FMN1: variants seen among roughly 807,000 people sequenced by gnomAD.
FMN1 encodes the protein formin-1.
Under a neutral mutation model 132.4 loss-of-function variants are expected in FMN1, and 110 were observed. That is an observed-to-expected ratio of 0.83 (90% CI 0.71 to 0.97). FMN1 has a LOEUF of 0.97. Ranked by LOEUF, FMN1 falls within the 50% of genes least tolerant of loss-of-function variation. FMN1 has a pLI of 0.00. For synonymous variants in FMN1, 722 were observed against 651.7 expected, an observed-to-expected ratio of 1.11 and a Z score of -1.64; for missense variants, 1,792 against 1,705.3, an observed-to-expected ratio of 1.05 and a Z score of -0.90.
chr15:32,936,673 G>A (rs560751680), intron 9 of FMN1, among the ~76,000 whole-genome samples: 3 of 151,740 alleles, frequency 2.0e-5, no homozygotes, highest in South Asian at 4.2e-4. Flanking sequence ...AGGAGAAGGA[G>A]GAGGAGAAAG....
At chr15:32,874,675 C>T (rs1240618894) in intron 16 of FMN1, among the ~76,000 whole-genome samples, 4 of 152,134 alleles carry the variant, frequency 2.6e-5, no homozygotes, top group African/African-American at 9.7e-5. Context: ...ATAAATCTCT[C>T]CCCTAGAAAA....
intron 4 of FMN1, among the ~76,000 whole-genome samples, chr15:33,099,769 CAT>C (rs2039223920): frequency 6.6e-6 from 1 of 152,118 alleles, no homozygotes; most frequent in African/African-American, 2.4e-5. Context: ...CTCTAAAAGT[CAT>C]CTAGTTTTCT....
At chr15:32,950,979 CTT>C (rs66657218) in intron 9 of FMN1, among the ~76,000 whole-genome samples, 2 of 147,024 alleles carry the variant, frequency 1.4e-5, no homozygotes, top group Non-Finnish European at 3.0e-5. Context: ...AGAACTTTTG[CTT>C]TTTTTTTTAA....
At chr15:32,990,682 GC>G (rs921786411) in intron 7 of FMN1, among the ~76,000 whole-genome samples, 1 of 152,130 alleles carries the variant, frequency 6.6e-6, no homozygotes, top group Admixed American at 6.5e-5. Context: ...GTAAAGAACT[GC>G]CCCAGACTGG....
intron 8 of FMN1, among the ~76,000 whole-genome samples, chr15:32,964,915 A>G (rs1275525446): frequency 6.6e-6 from 1 of 152,182 alleles, no homozygotes; most frequent in African/African-American, 2.4e-5. Context: ...TAAAGTAGCC[A>G]TAGGGAAACT....
intron 4 of FMN1, chr15:33,150,456 A>C (rs746453809): frequency 3.6e-5 from 35 of 981,416 alleles, no homozygotes; most frequent in Non-Finnish European, 4.1e-5. Flanking sequence ...TATCACCACT[A>C]TGTGGTGATA....
chr15:33,044,724 G>A (rs540348001), intron 6 of FMN1, among the ~76,000 whole-genome samples: 16 of 152,254 alleles, frequency 1.1e-4, no homozygotes, highest in Admixed American at 3.3e-4. Flanking sequence ...ACCAGCTGCA[G>A]GAGCTACACA....
At chr15:33,082,040 TG>T (rs1566899318) in intron 5 of FMN1, among the ~76,000 whole-genome samples, 7 of 138,966 alleles carry the variant, frequency 5.0e-5, no homozygotes, top group Non-Finnish European at 9.7e-5. Context: ...TGTGTGTGTG[TG>T]TGTGTGTGTG....
chr15:32,961,413 C>T (rs1229978872), intron 9 of FMN1, among the ~76,000 whole-genome samples: 3 of 152,152 alleles, frequency 2.0e-5, no homozygotes, highest in African/African-American at 4.8e-5. Flanking sequence ...GGATTATAGG[C>T]ATGAGCCACC....
At chr15:32,934,865 T>C (rs1596305985) in intron 9 of FMN1, among the ~76,000 whole-genome samples, 1 of 151,266 alleles carries the variant, frequency 6.6e-6, no homozygotes, top group East Asian at 2.0e-4. Flanking sequence ...CCTCGGCCTC[T>C]CAAAGGGCTA....
chr15:33,160,772 T>C (rs142544685), intron 3 of FMN1, among the ~76,000 whole-genome samples: 3 of 152,270 alleles, frequency 2.0e-5, no homozygotes, highest in African/African-American at 7.2e-5. Flanking sequence ...AAAAGCACTT[T>C]GCTTCCCAGG....
chr15:32,787,052 C>T (rs928858880), intron 19 of FMN1, among the ~76,000 whole-genome samples: 31 of 152,204 alleles, frequency 2.0e-4, no homozygotes, highest in African/African-American at 7.2e-4. Context: ...TGACAACAGT[C>T]ACTCACGAGG....
At chr15:32,856,620 G>A (rs966754030) in intron 17 of FMN1, among the ~76,000 whole-genome samples, 1 of 152,160 alleles carries the variant, frequency 6.6e-6, no homozygotes, top group Non-Finnish European at 1.5e-5. Context: ...ATAAAACCAG[G>A]AGGGTGATCA....
intron 6 of FMN1, chr15:33,013,010 C>T (rs2034818710): frequency 2.4e-6 from 1 of 419,452 alleles, no homozygotes; most frequent in Non-Finnish European, 4.6e-6. Flanking sequence ...TTTGCCAAAC[C>T]ACAAAACCAA....
At chr15:33,016,491 T>C (rs2035052039) in intron 6 of FMN1, among the ~76,000 whole-genome samples, 1 of 152,334 alleles carries the variant, frequency 6.6e-6, no homozygotes, top group Non-Finnish European at 1.5e-5. Flanking sequence ...CTGTGCAGTT[T>C]GAAGAAAGCA....
At chr15:32,865,765 G>A (rs112694082) in intron 16 of FMN1, among the ~76,000 whole-genome samples, 8,088 of 151,832 alleles carry the variant, frequency 0.053, 274 homozygotes, top group South Asian at 0.075. Flanking sequence ...GAACCTGGGA[G>A]GCGGAAGTTG....
At chr15:32,985,026 C>G (rs1419577029) in intron 7 of FMN1, among the ~76,000 whole-genome samples, 1 of 144,254 alleles carries the variant, frequency 6.9e-6, no homozygotes, top group South Asian at 2.2e-4. Context: ...TGCCTTAACT[C>G]TATCCCTTCT....
rs545963665 is a variant in FMN1 at position 33,149,369 on chromosome 15, A to G, written c.1867+3679T>C. Among the ~76,000 whole-genome samples, 3 of 152,350 alleles carry G rather than the reference A, an allele frequency of 2.0e-5. No individual in the cohort carries two copies. The East Asian group carries it at 5.8e-4, about 29-fold the overall frequency. The stretch of plus-strand genomic sequence containing the variant: ...ACAAATCTAGATCAGTACTCTGAAC[A>G]GCCTCATAATATTACAGAGCATAAA... On this transcript the variant is annotated intron_variant, in intron 4 of 20. Coordinates refer to ENST00000616417, the MANE Select transcript of FMN1 (RefSeq NM_001277313.2).
chr15:33,179,947 G>T (rs554719163), intron 3 of FMN1, among the ~76,000 whole-genome samples: 1 of 152,314 alleles, frequency 6.6e-6, no homozygotes, highest in African/African-American at 2.4e-5. Flanking sequence ...TAAGTAAGGA[G>T]CTGGGAGGCA....
Sources: allele counts gnomAD v4.1 joint callset (sites outside exome capture counted in the v4.1 genomes callset), GRCh38; gene constraint gnomAD v4.1.1; transcripts MANE v1.5; gene names NCBI Gene and HGNC (gene_info 2026-07-23, HGNC 2026-07-21).